CD34: variants seen among roughly 807,000 people sequenced by gnomAD.
CD34 encodes CD34 molecule.
CD34 carries 34 observed loss-of-function variants against 40.1 expected under a neutral mutation model. That is an observed-to-expected ratio of 0.85 (90% CI 0.65 to 1.13). The LOEUF (loss-of-function observed/expected upper bound fraction) is 1.13, where lower values mean the gene tolerates loss of function less well. Ranked by LOEUF, CD34 falls within the 50% of genes most tolerant of loss-of-function variation. CD34 has a pLI of 0.00. For synonymous variants in CD34, 209 were observed against 190.0 expected (o/e 1.10, Z -0.82); for missense variants, 426 against 466.9 (o/e 0.91, Z 0.81).
Position 207,888,685 on chromosome 1 carries a change from C to T in CD34, c.969G>A (p.Arg323=), listed in dbSNP as rs1296031541. Residue 323 remains arginine, a synonymous_variant, in exon 7 of 8, where the codon AGG becomes AGA. Transcript: ENST00000310833. The part of the protein sequence containing the change: ...NRRSWSPTGE[R]LGEDPYYTEN... ...TACCCTGGCCCCCAGAACTGACCAG[C>T]CTTTCTCCTGTGGGGCTCCAGCTGC... is the stretch of plus-strand genomic sequence containing the variant. 1 of 1,614,006 alleles carries T rather than the reference C, an allele frequency of 6.2e-7. No homozygotes were observed. The highest frequency in any genetic ancestry group is 2.2e-5 in the East Asian group (1 of 44,902).
At position 207,885,326 on chromosome 1, in the gene CD34, C is replaced by G. The variant is rs1210225; in HGVS notation, c.*2412G>C. On this transcript the variant is annotated 3_prime_UTR_variant, in exon 8 of 8. Coordinates refer to ENST00000310833, the MANE Select transcript of CD34 (RefSeq NM_001025109.2). ...TTTTCCAGAAAGCAGGCAAATTCTT[C>G]AGGGCAAGCTGTCCAGCTGTCAGAG... is the stretch of plus-strand genomic sequence containing the variant. The G allele has an allele frequency of 0.22, 34,101 of 152,130 alleles. 3,879 individuals are homozygous for G. Among genetic ancestry groups the G allele is most frequent in the East Asian group, 0.42 (2,150 of 5,116 alleles). The allele number at this position is 152,130 out of a possible 1,614,324, so 9.4% of individuals were successfully genotyped here.
chr1:207,887,871 C>A lies in CD34; in HGVS notation c.1025G>T (p.Gly342Val), dbSNP rs1661935279. The change falls in exon 8 of 8, where the codon GGA becomes GTA. Residue 342 changes from glycine to valine, a missense_variant. Gly to Val is a moderately radical substitution (Grantham distance 109). Coordinates refer to ENST00000310833, the MANE Select transcript of CD34 (RefSeq NM_001025109.2). ...ENGGGQGYSSGPGTSPEAQGK... is the reference protein window; with the variant it reads ...ENGGGQGYSSVPGTSPEAQGK... ...CTGAGCCTCAGGGGAGGTCCCAGGT[C>A]CTGAGCTATAGCCCTGGCCTCCACC... 6.2e-7 allele frequency: 1 copy of A among 1,614,152 alleles called. No homozygotes were observed. Among genetic ancestry groups the A allele is most frequent in the Non-Finnish European group, 8.5e-7 (1 of 1,180,024 alleles).
chr1:207,894,281 G>A (rs1182483715), intron 4 of CD34, among the ~76,000 whole-genome samples: 2 of 152,186 alleles, frequency 1.3e-5, no homozygotes, highest in Non-Finnish European at 2.9e-5. Flanking sequence ...ACATTATACT[G>A]AGTGAAATCA....
intron 4 of CD34, among the ~76,000 whole-genome samples, chr1:207,894,672 AC>A (rs1194439910): frequency 6.6e-6 from 1 of 152,230 alleles, no homozygotes; most frequent in Non-Finnish European, 1.5e-5. Flanking sequence ...AATTAAGCTG[AC>A]ACTGCTGCCA....
chr1:207,899,372 C>T, intron 2 of CD34, 146 bp from the exon 3 acceptor site: 2 of 825,064 alleles, frequency 2.4e-6, no homozygotes, highest in Non-Finnish European at 4.0e-6. Context: ...CCTGACCAAA[C>T]TCATTTCAAG....
intron 1 of CD34, among the ~76,000 whole-genome samples, chr1:207,905,298 G>C (rs1228593115): frequency 6.6e-6 from 1 of 152,198 alleles, no homozygotes; most frequent in East Asian, 1.9e-4. Context: ...ACCATGCCCG[G>C]CTAATTTTTG....
rs373801141 is a variant in CD34, at chr1:207,889,538, C to G, written c.681G>C (p.Gln227His). 6.2e-6 allele frequency: 10 copies of G among 1,614,146 alleles called. No homozygotes were observed. Among genetic ancestry groups the G allele is most frequent in the Non-Finnish European group, 7.6e-6 (9 of 1,180,012 alleles). The part of the protein sequence containing the change: ...EEQADADAGA[Q>H]VCSLLLAQSE... ...ACTGGGCAAGGAGCAGGGAGCATAC[C>G]TGGGCCCCAGCATCAGCATCAGCCT... Residue 227 changes from glutamine to histidine, a missense_variant, in exon 5 of 8, where the codon CAG becomes CAC. Coordinates refer to ENST00000310833, the MANE Select transcript of CD34 (RefSeq NM_001025109.2).
chr1:207,904,854 G>A (rs1362493596), intron 1 of CD34, among the ~76,000 whole-genome samples: 1 of 152,222 alleles, frequency 6.6e-6, no homozygotes, highest in Non-Finnish European at 1.5e-5. Context: ...TTTAGGAAAA[G>A]CAATAGGATT....
chr1:207,887,580 C>T lies in CD34; in HGVS notation c.*158G>A. 9.9e-7 allele frequency: 1 copy of T among 1,010,502 alleles called. No homozygotes were observed. The highest frequency in any genetic ancestry group is 1.4e-6 in the Non-Finnish European group (1 of 703,838). The allele number at this position is 1,010,502 out of a possible 1,614,324, so 62.6% of individuals were successfully genotyped here. The stretch of plus-strand genomic sequence containing the variant: ...AAAGGACAGGAGTTTACCTGCCCCT[C>T]CTCAAGGTGTAGGGCCCCAAGAACA... On this transcript the variant is annotated 3_prime_UTR_variant, in exon 8 of 8. Coordinates refer to ENST00000310833, the MANE Select transcript of CD34 (RefSeq NM_001025109.2).
Position 207,899,884 on chromosome 1 carries a change from G to C in CD34, c.199C>G (p.Leu67Val). The part of the protein sequence containing the change: ...SYQETTTPST[L>V]GSTSLHPVSQ... ...ACAGGGTGCAGGCTGGTACTTCCAA[G>C]GGTACTAGGTGTTGTAGTTTCTTGG... Residue 67 changes from leucine (L) to valine (V), a missense_variant, in exon 2 of 8, where the codon CTT (leucine) becomes GTT (valine). Transcript: ENST00000310833. The C allele has an allele frequency of 6.2e-7, 1 of 1,613,984 alleles. No homozygotes were observed. Among genetic ancestry groups the C allele is most frequent in the Non-Finnish European group, 8.5e-7 (1 of 1,179,934 alleles).
chr1:207,910,927 C>T (rs1282390874), intron 1 of CD34, 75 bp downstream of exon 1: 9 of 1,395,790 alleles, frequency 6.4e-6, no homozygotes, highest in Non-Finnish European at 8.9e-6. Flanking sequence ...CTCTGCTCTG[C>T]TGTTCAGCCT....
chr1:207,892,559 C>G (rs1220984844), intron 4 of CD34, among the ~76,000 whole-genome samples: 1 of 151,438 alleles, frequency 6.6e-6, no homozygotes, highest in Non-Finnish European at 1.5e-5. Context: ...GCACTCCGGC[C>G]TGGGCAACAG....
At chr1:207,904,912 G>A (rs1932818) in intron 1 of CD34, among the ~76,000 whole-genome samples, 22,740 of 152,152 alleles carry the variant, frequency 0.15, 2,918 homozygotes, top group African/African-American at 0.35. Context: ...CTCTAGTCAT[G>A]GCAGTCTTGT....
intron 4 of CD34, among the ~76,000 whole-genome samples, chr1:207,896,876 C>T (rs1432512174): frequency 6.6e-6 from 1 of 151,838 alleles, no homozygotes; most frequent in Non-Finnish European, 1.5e-5. Flanking sequence ...AAAGTACAGA[C>T]AAACTGAACA....
At chr1:207,910,890 G>T in intron 1 of CD34, 112 bp downstream of exon 1, 2 of 1,098,070 alleles carry the variant, frequency 1.8e-6, no homozygotes, top group Non-Finnish European at 2.6e-6. Flanking sequence ...TGCGTGGGTT[G>T]GGCAGGGGTC....
At chr1:207,895,286 A>G (rs1662127250) in intron 4 of CD34, among the ~76,000 whole-genome samples, 1 of 152,194 alleles carries the variant, frequency 6.6e-6, no homozygotes, top group Non-Finnish European at 1.5e-5. Context: ...TAGCAAGCTG[A>G]GGATAAATTA....
chr1:207,901,179 A>T (rs1365435998), intron 1 of CD34, among the ~76,000 whole-genome samples: 1 of 152,052 alleles, frequency 6.6e-6, no homozygotes, highest in Non-Finnish European at 1.5e-5. Context: ...CAGTATCCTC[A>T]TTAGACACAG....
At chr1:207,889,801 A>G in intron 4 of CD34, 180 bp from the exon 5 acceptor site, 1 of 1,579,042 alleles carries the variant, frequency 6.3e-7, no homozygotes, top group Non-Finnish European at 8.5e-7. Flanking sequence ...ACACAATAAG[A>G]AAAAAACCTA....
chr1:207,894,503 T>C (rs1327841494), intron 4 of CD34, among the ~76,000 whole-genome samples: 1 of 152,250 alleles, frequency 6.6e-6, no homozygotes, highest in Non-Finnish European at 1.5e-5. Flanking sequence ...TACTCAATGG[T>C]ACCCTTAAAA....
Sources: allele counts gnomAD v4.1 joint callset (sites outside exome capture counted in the v4.1 genomes callset), GRCh38; gene constraint gnomAD v4.1.1; transcripts MANE v1.5; gene names NCBI Gene and HGNC (gene_info 2026-07-23, HGNC 2026-07-21).